The following DAB2IP variants were observed in gnomAD, a reference collection of about 807,000 sequenced individuals.
The protein encoded by DAB2IP is DAB2 interacting protein, also known as disabled homolog 2-interacting protein.
In DAB2IP, 28 loss-of-function variants were observed where a neutral mutation model predicts 107.2. That is an observed-to-expected ratio of 0.26 (90% CI 0.19 to 0.36). The LOEUF is 0.36. Among genes scored for constraint, DAB2IP ranks in the 10% least tolerant of loss-of-function variants. The pLI is 1.00. For missense variants in DAB2IP, 1,400 were observed against 1,644.7 expected (o/e 0.85, Z 2.57); for synonymous variants, 755 against 706.4 (o/e 1.07, Z -1.09).
At chr9:121,632,547 CCTCCTCTGCCCAG>C (rs1157707597) in intron 1 of DAB2IP, among the ~76,000 whole-genome samples, 3 of 152,140 alleles carry the variant, frequency 2.0e-5, no homozygotes, top group Admixed American at 6.5e-5. Flanking sequence ...CCTGCCCTCA[CCTCCTCTGCCCAG>C]CTTTCCCTTA....
chr9:121,765,468 C>G (rs1159102606), intron 8 of DAB2IP, among the ~76,000 whole-genome samples: 1 of 152,220 alleles, frequency 6.6e-6, no homozygotes, highest in African/African-American at 2.4e-5. Context: ...GGAGAGCCTG[C>G]TGAGCAGGCT....
intron 1 of DAB2IP, among the ~76,000 whole-genome samples, chr9:121,652,567 G>T (rs1832794905): frequency 6.6e-6 from 1 of 152,136 alleles, no homozygotes; most frequent in African/African-American, 2.4e-5. Context: ...AGGGAGGGAA[G>T]CCCCTGGGAG....
At chr9:121,642,615 T>TA (rs397893249) in intron 1 of DAB2IP, among the ~76,000 whole-genome samples, 7,820 of 123,882 alleles carry the variant, frequency 0.063, 693 homozygotes, top group African/African-American at 0.2. Context: ...TCTTTTCTAT[T>TA]AAAAAAAAAA....
chr9:121,775,728 A>G (rs74520036), intron 13 of DAB2IP, among the ~76,000 whole-genome samples: 3,487 of 152,218 alleles, frequency 0.023, 127 homozygotes, highest in African/African-American at 0.079. Context: ...AGATTCAAAC[A>G]GAGGCTGGGA....
intron 3 of DAB2IP, among the ~76,000 whole-genome samples, chr9:121,705,375 G>A (rs148109818): frequency 2.4e-4 from 37 of 152,372 alleles, no homozygotes; most frequent in Middle Eastern, 3.4e-3. Flanking sequence ...ATTTGGAACA[G>A]TGCCTGGTAC....
intron 1 of DAB2IP, among the ~76,000 whole-genome samples, chr9:121,568,808 C>G (rs898167463): frequency 3.3e-5 from 5 of 152,206 alleles, no homozygotes; most frequent in Non-Finnish European, 5.9e-5. Context: ...TCTCAGGAAC[C>G]CACAGTCCCC....
intron 1 of DAB2IP, among the ~76,000 whole-genome samples, chr9:121,642,029 C>CTTTCTTTCTT (rs879760304): frequency 3.1e-3 from 82 of 26,584 alleles, no homozygotes; most frequent in South Asian, 6.3e-3. Context: ...CTCTCTCTCT[C>CTTTCTTTCTT]TCTTTCTTTC....
intron 1 of DAB2IP, among the ~76,000 whole-genome samples, chr9:121,594,678 T>C (rs1830491556): frequency 6.6e-6 from 1 of 152,144 alleles, no homozygotes. Flanking sequence ...CTTTTCTTCA[T>C]TCAATAAACC....
At chr9:121,619,935 G>GTGGAAGTGGAAA (rs60220731) in intron 1 of DAB2IP, among the ~76,000 whole-genome samples, 143,680 of 152,120 alleles carry the variant, frequency 0.94, 68,417 homozygotes, top group East Asian at 1. Context: ...CCCTATTTGG[G>GTGGAAGTGGAAA]TGGAGTTAAA....
exon 4 of DAB2IP, chr9:121,757,121 C>G: frequency 6.2e-7 from 1 of 1,614,218 alleles, no homozygotes; most frequent in Non-Finnish European, 8.5e-7. Context: ...AGGTGGTCAT[C>G]AAGCCCGTGC....
At chr9:121,681,749 G>C (rs1433226590) in intron 2 of DAB2IP, among the ~76,000 whole-genome samples, 3 of 152,164 alleles carry the variant, frequency 2.0e-5, no homozygotes, top group African/African-American at 7.2e-5. Flanking sequence ...TTCTGGGCTG[G>C]GTGCTGGGAG....
chr9:121,570,107 CTTTTT>C (rs60818537), intron 1 of DAB2IP, among the ~76,000 whole-genome samples: 21 of 101,498 alleles, frequency 2.1e-4, no homozygotes, highest in East Asian at 1.5e-3. Flanking sequence ...TTCTCTTTCT[CTTTTT>C]TTTTTTTTTT....
chr9:121,774,375 G>A, exon 13 of DAB2IP: 2 of 1,612,932 alleles, frequency 1.2e-6, no homozygotes, highest in Non-Finnish European at 8.5e-7. Context: ...CACAGGGATA[G>A]GCTAAGGAGT....
At chr9:121,734,982 C>A (rs1831792793) in intron 3 of DAB2IP, among the ~76,000 whole-genome samples, 1 of 152,196 alleles carries the variant, frequency 6.6e-6, no homozygotes, top group Non-Finnish European at 1.5e-5. Context: ...TTTCGCCTTC[C>A]TTGTTGGTTT....
intron 2 of DAB2IP, 50 bp downstream of exon 2, chr9:121,678,831 C>T: frequency 6.7e-7 from 1 of 1,490,946 alleles, no homozygotes; most frequent in Non-Finnish European, 9.0e-7. Flanking sequence ...CCATCACCAC[C>T]TCGCCCGGGG....
intron 1 of DAB2IP, among the ~76,000 whole-genome samples, chr9:121,568,993 C>A (rs934064147): frequency 6.6e-6 from 1 of 152,172 alleles, no homozygotes; most frequent in African/African-American, 2.4e-5. Context: ...GTAAGGGATT[C>A]AAGAGGAAGA....
chr9:121,651,952 A>C lies in DAB2IP; in HGVS notation c.124+53A>C. On this transcript the variant is annotated intron_variant, in intron 1 of 15. Transcript: ENST00000408936. This position sits in a 1 kb window ranked among gnomAD's most constrained non-coding sequence, Gnocchi z 5.1. ...TAGACCCTCCTAAGGCCACTAAGCC[A>C]CCTGATGCCCTGGGATGCTAGGGAC... is the stretch of plus-strand genomic sequence containing the variant. 2 of 1,240,244 alleles carry C rather than the reference A, an allele frequency of 1.6e-6. No homozygotes were observed. The highest frequency in any genetic ancestry group is 2.0e-6 in the Non-Finnish European group (2 of 984,522). 76.8% of individuals were successfully genotyped at this position (1,240,244 alleles called of 1,614,324 possible).
chr9:121,720,384 C>T (rs900882158), intron 3 of DAB2IP, among the ~76,000 whole-genome samples: 60 of 152,304 alleles, frequency 3.9e-4, no homozygotes, highest in African/African-American at 1.4e-3. Context: ...TACTGCGTGC[C>T]GGGTGCTGTG....
chr9:121,729,469 C>T (rs994027329), intron 3 of DAB2IP, among the ~76,000 whole-genome samples: 2 of 152,174 alleles, frequency 1.3e-5, no homozygotes, highest in Admixed American at 1.3e-4. Flanking sequence ...TGCCTTCCTG[C>T]AGTAAGGGAT....
Sources: gnomAD v4.1 joint callset for allele counts (sites outside exome capture counted in the v4.1 genomes callset) on GRCh38, gnomAD v4.1.1 for gene constraint, Gnocchi (gnomAD v3.1) non-coding constraint, MANE v1.5 for transcripts, NCBI Gene and HGNC (gene_info 2026-07-23, HGNC 2026-07-21) for gene names.